Variants in CPXM2 observed in about 807,000 individuals in gnomAD.
CPXM2 encodes the protein carboxypeptidase X, M14 family member 2.
In CPXM2, 66 loss-of-function variants were observed where a neutral mutation model predicts 86.1. The observed-to-expected ratio is 0.77, with a 90% CI of 0.63 to 0.94. The LOEUF (loss-of-function observed/expected upper bound fraction) is 0.94. CPXM2 is among the 40% of genes least tolerant of loss of function. The pLI, the probability that CPXM2 is intolerant of heterozygous loss-of-function variation, is 0.00. For synonymous variants in CPXM2, 388 were observed against 400.2 expected, an observed-to-expected ratio of 0.97 and a Z score of 0.36; for missense variants, 948 against 1,026.3, an observed-to-expected ratio of 0.92 and a Z score of 1.04.
chr10:123,833,330 C>T (rs542622591), intron 4 of CPXM2, among the ~76,000 whole-genome samples: 19 of 152,262 alleles, frequency 1.2e-4, no homozygotes, highest in South Asian at 6.2e-4. Context: ...AAGTTCCTGC[C>T]GGCCAAATTT....
intron 4 of CPXM2, among the ~76,000 whole-genome samples, chr10:123,821,200 T>C (rs1590036965): frequency 6.6e-6 from 1 of 152,358 alleles, no homozygotes; most frequent in East Asian, 1.9e-4. Context: ...ATTAAGTCTC[T>C]GTATACACTC....
chr10:123,923,347 G>C (rs1046405120), intron 2 of CPXM2, among the ~76,000 whole-genome samples: 4 of 151,706 alleles, frequency 2.6e-5, no homozygotes, highest in Admixed American at 2.0e-4. Context: ...TTGGGAGGCC[G>C]AGGCGGGCGG....
rs144803469 is a variant in CPXM2 at position 123,849,857 on chromosome 10, G to A, written c.514-7369C>T. Reference sequence around the variant, plus strand: ...GCAGCTCAACCAATTTTGACAAACTGCATGTACCCACATAACCACATCCAG... The same window carrying A: ...GCAGCTCAACCAATTTTGACAAACTACATGTACCCACATAACCACATCCAG... On this transcript the variant is annotated intron_variant, in intron 3 of 13. Transcript: ENST00000241305. Among the ~76,000 whole-genome samples the A allele has an allele frequency of 4.2e-3, 643 of 152,286 alleles. 4 individuals are homozygous for A. Among genetic ancestry groups the A allele is most frequent in the African/African-American group, 0.015 (615 of 41,548 alleles).
chr10:123,803,394 G>A (rs928394501), intron 4 of CPXM2, among the ~76,000 whole-genome samples: 12 of 151,996 alleles, frequency 7.9e-5, no homozygotes, highest in African/African-American at 2.9e-4. Context: ...TTATAGGTGT[G>A]TGCCACCATG....
At chr10:123,938,502 A>G (rs564469991) in intron 2 of CPXM2, among the ~76,000 whole-genome samples, 40 of 152,170 alleles carry the variant, frequency 2.6e-4, no homozygotes, top group African/African-American at 8.9e-4. Flanking sequence ...CTTTCTTTTT[A>G]CTAGGAAGGG....
intron 2 of CPXM2, among the ~76,000 whole-genome samples, chr10:123,904,001 C>A (rs1025716296): frequency 6.6e-6 from 1 of 152,176 alleles, no homozygotes; most frequent in Admixed American, 6.5e-5. Context: ...TCCAATGCAA[C>A]GCTCAGCTCC....
intron 4 of CPXM2, among the ~76,000 whole-genome samples, chr10:123,835,867 G>A (rs1313484700): frequency 6.6e-6 from 1 of 152,194 alleles, no homozygotes; most frequent in African/African-American, 2.4e-5. Context: ...TGCCTCAGGG[G>A]AGCAAAAAGC....
chr10:123,773,762 C>G (rs1208336625), intron 7 of CPXM2, among the ~76,000 whole-genome samples: 1 of 152,134 alleles, frequency 6.6e-6, no homozygotes, highest in African/African-American at 2.4e-5. Context: ...CAGGCTTCAG[C>G]AAGGAAGTGA....
upstream of CPXM2, among the ~76,000 whole-genome samples, chr10:123,940,604 C>T (rs765211898): frequency 6.6e-5 from 10 of 152,204 alleles, no homozygotes; most frequent in Non-Finnish European, 1.0e-4. Flanking sequence ...TCTTGGGGGA[C>T]GCCTCAACAC....
At chr10:123,780,876 G>A (rs1269167715) in intron 6 of CPXM2, among the ~76,000 whole-genome samples, 1 of 152,142 alleles carries the variant, frequency 6.6e-6, no homozygotes, top group East Asian at 1.9e-4. Context: ...ACTGGCCACT[G>A]TAATTGATCC....
At chr10:123,925,157 G>A (rs9794216) in intron 2 of CPXM2, among the ~76,000 whole-genome samples, 111,399 of 151,182 alleles carry the variant, frequency 0.74, 41,275 homozygotes, top group East Asian at 0.94. Context: ...GGAGAGAGAC[G>A]TGGTCCCTGG....
chr10:123,860,450 G>A (rs956287891), intron 3 of CPXM2, among the ~76,000 whole-genome samples: 3 of 152,086 alleles, frequency 2.0e-5, no homozygotes, highest in African/African-American at 7.2e-5. Flanking sequence ...CTCTGCCGGT[G>A]GAATTCCCAA....
chr10:123,892,636 C>T (rs1463047067), upstream of CPXM2, among the ~76,000 whole-genome samples: 1 of 152,226 alleles, frequency 6.6e-6, no homozygotes, highest in Admixed American at 6.5e-5. Flanking sequence ...CAACACCTAT[C>T]TCACAGCTCT....
At chr10:123,820,506 CCT>C (rs1471141091) in intron 4 of CPXM2, among the ~76,000 whole-genome samples, 8 of 152,326 alleles carry the variant, frequency 5.3e-5, no homozygotes, top group African/African-American at 1.7e-4. Flanking sequence ...CCTATGAAGG[CCT>C]CTGAGAGCTG....
intron 2 of CPXM2, among the ~76,000 whole-genome samples, chr10:123,922,703 G>C (rs72631132): frequency 0.02 from 3,051 of 152,310 alleles, 83 homozygotes; most frequent in East Asian, 0.094. Context: ...AGAGAACTTG[G>C]CCAAGTGGGC....
intron 1 of CPXM2, among the ~76,000 whole-genome samples, chr10:123,882,671 C>T (rs1945111328): frequency 6.6e-6 from 1 of 152,180 alleles, no homozygotes; most frequent in South Asian, 2.1e-4. Context: ...CTCCCTGGGG[C>T]CTCCATGGAA....
intron 5 of CPXM2, 115 bp downstream of exon 5, chr10:123,799,000 T>G (rs1241429448): frequency 2.6e-4 from 307 of 1,199,414 alleles, no homozygotes; most frequent in African/African-American, 3.0e-5. Flanking sequence ...TAGTGGTAGG[T>G]TTGAGTTGAC....
At chr10:123,800,259 T>C (rs57443660) in intron 4 of CPXM2, among the ~76,000 whole-genome samples, 391 of 152,240 alleles carry the variant, frequency 2.6e-3, no homozygotes, top group African/African-American at 9.3e-3. Flanking sequence ...ATTTTATACA[T>C]GCTTGGAAAC....
In CPXM2 at chr10:123,798,353, T is replaced by C. The variant is rs115943218; in HGVS notation, c.739-227A>G. Among the ~76,000 whole-genome samples, 717 of 151,988 alleles carry C rather than the reference T, an allele frequency of 4.7e-3. 8 individuals carry two copies. The highest frequency in any genetic ancestry group is 0.016 in the African/African-American group (681 of 41,458). On this transcript the variant is annotated intron_variant, in intron 5 of 13. Coordinates refer to ENST00000241305, the MANE Select transcript of CPXM2 (RefSeq NM_198148.3). ...GAGTGGGGCTGGTAATTATATACTGTAGAAAAAATCTATCGGTGTCACGGC... is the reference window on the plus strand; with the variant it reads ...GAGTGGGGCTGGTAATTATATACTGCAGAAAAAATCTATCGGTGTCACGGC...
Sources: gnomAD v4.1 joint callset for allele counts (sites outside exome capture counted in the v4.1 genomes callset) on GRCh38, gnomAD v4.1.1 for gene constraint, MANE v1.5 for transcripts, NCBI Gene and HGNC (gene_info 2026-07-23, HGNC 2026-07-21) for gene names.